Variants in SAMSN1 observed in about 807,000 individuals in gnomAD.
SAMSN1 encodes SAM domain, SH3 domain and nuclear localization signals 1, also known as SAM domain-containing protein SAMSN-1.
A neutral mutation model predicts 42.0 loss-of-function variants in SAMSN1; 31 were observed. That is an observed-to-expected ratio of 0.74 (90% CI 0.55 to 1.00). The LOEUF is 1.00. Ranked by LOEUF, SAMSN1 falls within the 50% of genes least tolerant of loss-of-function variation. SAMSN1 has a pLI of 0.00. For synonymous variants in SAMSN1, 178 were observed against 151.9 expected (o/e 1.17, Z -1.26); for missense variants, 464 against 439.4 (o/e 1.06, Z -0.50).
At chr21:14,579,637 C>T (rs974738791) in intron 2 of SAMSN1, among the ~76,000 whole-genome samples, 1 of 144,536 alleles carries the variant, frequency 6.9e-6, no homozygotes, top group African/African-American at 2.6e-5. Context: ...TTAGAAAATG[C>T]TCACTTTTTT....
chr21:14,607,492 G>A (rs991267736), intron 5 of SAMSN1, among the ~76,000 whole-genome samples: 54 of 152,184 alleles, frequency 3.5e-4, no homozygotes, highest in Admixed American at 1.2e-3. Flanking sequence ...GAAATGTCCA[G>A]TGACTCAACT....
chr21:14,602,594 G>C (rs1200536859), intron 5 of SAMSN1, among the ~76,000 whole-genome samples: 1 of 152,188 alleles, frequency 6.6e-6, no homozygotes, highest in Non-Finnish European at 1.5e-5. Context: ...TTTGCTTGCA[G>C]CTAAATGAAA....
At chr21:14,569,994 C>A (rs201508461) in intron 2 of SAMSN1, among the ~76,000 whole-genome samples, 4 of 149,572 alleles carry the variant, frequency 2.7e-5, no homozygotes, top group East Asian at 2.0e-4. Flanking sequence ...TCCCCCCCCC[C>A]AGTTTTTCAC....
chr21:14,485,735 A>G lies in SAMSN1; in HGVS notation c.*177T>C. 1 of 519,436 alleles carries G rather than the reference A, an allele frequency of 1.9e-6. No homozygotes were observed. Among genetic ancestry groups the G allele is most frequent in the African/African-American group, 1.9e-5 (1 of 52,736 alleles). The allele number at this position is 519,436 out of a possible 1,614,324, so 32.2% of individuals were successfully genotyped here. ...AAAATAATAAATATATATTTTATTGACAGTAATTTGGAATGTTAGAGATAC... is the reference window on the plus strand; with the variant it reads ...AAAATAATAAATATATATTTTATTGGCAGTAATTTGGAATGTTAGAGATAC... On this transcript the variant is annotated 3_prime_UTR_variant, in exon 8 of 8. Coordinates refer to ENST00000400566, the MANE Select transcript of SAMSN1 (RefSeq NM_022136.5).
At chr21:14,630,449 TCTC>T (rs1452285004) in intron 2 of SAMSN1, among the ~76,000 whole-genome samples, 1 of 151,642 alleles carries the variant, frequency 6.6e-6, no homozygotes, top group African/African-American at 2.4e-5. Context: ...AATTAGTAGT[TCTC>T]CTGTAAGCCT....
chr21:14,605,307 G>A (rs1344310484), intron 5 of SAMSN1, among the ~76,000 whole-genome samples: 2 of 152,122 alleles, frequency 1.3e-5, no homozygotes, highest in Admixed American at 1.3e-4. Context: ...GCCTTCCTCG[G>A]CTATATGAGG....
rs1379647656 is a variant in SAMSN1 at position 14,505,927 on chromosome 21, G to A, written c.561+4383C>T. Among the ~76,000 whole-genome samples, 5 of 152,156 alleles carry A rather than the reference G, an allele frequency of 3.3e-5. No homozygotes were observed. The East Asian group carries it at 9.7e-4, about 29-fold the overall frequency. ...TTCAGACTACAATGGAATAAAACTGGAAATTAACTGCAAAAGGAACCTTCA... is the reference window on the plus strand; with the variant it reads ...TTCAGACTACAATGGAATAAAACTGAAAATTAACTGCAAAAGGAACCTTCA... On this transcript the variant is annotated intron_variant, in intron 5 of 7. Coordinates refer to ENST00000400566, the MANE Select transcript of SAMSN1 (RefSeq NM_022136.5).
intron 2 of SAMSN1, among the ~76,000 whole-genome samples, chr21:14,622,349 A>G (rs568294511): frequency 2.0e-5 from 3 of 152,348 alleles, no homozygotes; most frequent in East Asian, 3.9e-4. Context: ...GTTTGAACCC[A>G]CCGCAAAGAA....
At chr21:14,658,796 G>A (rs1346565648) in exon 1 of SAMSN1, 2 of 715,190 alleles carry the variant, frequency 2.8e-6, no homozygotes, top group Non-Finnish European at 5.2e-6. Flanking sequence ...CTCTCTTGTT[G>A]CCCTGCTTTG....
chr21:14,650,353 G>A (rs1034839908), intron 1 of SAMSN1, among the ~76,000 whole-genome samples: 3 of 151,924 alleles, frequency 2.0e-5, no homozygotes, highest in Non-Finnish European at 4.4e-5. Context: ...TTACCACAAT[G>A]GAATAAAACC....
At chr21:14,560,798 C>T (rs1200564327) in intron 2 of SAMSN1, among the ~76,000 whole-genome samples, 2 of 152,174 alleles carry the variant, frequency 1.3e-5, no homozygotes, top group Non-Finnish European at 2.9e-5. Context: ...TAAATGTATA[C>T]ATGCTCGCCT....
upstream of SAMSN1, among the ~76,000 whole-genome samples, chr21:14,548,149 C>T (rs1269378045): frequency 6.6e-6 from 1 of 152,122 alleles, no homozygotes; most frequent in Non-Finnish European, 1.5e-5. Flanking sequence ...TCGACACCCT[C>T]TTTTCTTCAT....
chr21:14,648,307 A>G (rs1038480761), intron 1 of SAMSN1, among the ~76,000 whole-genome samples: 23 of 152,326 alleles, frequency 1.5e-4, no homozygotes, highest in African/African-American at 5.3e-4. Context: ...ACCTAAAACC[A>G]TAAAAACCCT....
chr21:14,487,781 A>G (rs1035390476), intron 7 of SAMSN1, among the ~76,000 whole-genome samples: 2 of 152,172 alleles, frequency 1.3e-5, no homozygotes, highest in Admixed American at 1.3e-4. Context: ...TTTTAACTAT[A>G]GATTCAAATA....
At chr21:14,569,132 A>ATT (rs1265796019) in intron 2 of SAMSN1, among the ~76,000 whole-genome samples, 10 of 149,696 alleles carry the variant, frequency 6.7e-5, no homozygotes, top group Non-Finnish European at 1.0e-4. Flanking sequence ...TTCTATTTAA[A>ATT]AAAAAAAATA....
At chr21:14,502,375 C>A (rs928671075) in intron 5 of SAMSN1, among the ~76,000 whole-genome samples, 1 of 152,296 alleles carries the variant, frequency 6.6e-6, no homozygotes, top group African/African-American at 2.4e-5. Context: ...TCACTGCATC[C>A]TTCCTATTAT....
intron 5 of SAMSN1, among the ~76,000 whole-genome samples, chr21:14,508,449 G>A (rs1260499866): frequency 6.6e-6 from 1 of 152,126 alleles, no homozygotes; most frequent in Non-Finnish European, 1.5e-5. Flanking sequence ...ACAAACACAT[G>A]AAAAAATGCT....
chr21:14,606,163 G>T (rs1486485903), intron 5 of SAMSN1, among the ~76,000 whole-genome samples: 1 of 152,092 alleles, frequency 6.6e-6, no homozygotes, highest in Non-Finnish European at 1.5e-5. Context: ...TTTAAAGTAA[G>T]TTTGCAGCAG....
intron 1 of SAMSN1, among the ~76,000 whole-genome samples, chr21:14,534,028 T>G (rs957216628): frequency 5.3e-5 from 8 of 152,236 alleles, no homozygotes; most frequent in Admixed American, 2.0e-4. Flanking sequence ...ACCCTTTTGC[T>G]AATACTTTTT....
Sources: allele counts gnomAD v4.1 joint callset (sites outside exome capture counted in the v4.1 genomes callset), GRCh38; gene constraint gnomAD v4.1.1; transcripts MANE v1.5; gene names NCBI Gene and HGNC (gene_info 2026-07-23, HGNC 2026-07-21).